The following PRR5L variants were observed in gnomAD, a reference collection of about 807,000 sequenced individuals.
PRR5L encodes the protein proline-rich protein 5-like.
In PRR5L, 21 loss-of-function variants were observed where a neutral mutation model predicts 36.4. The ratio of observed to expected loss-of-function variants is 0.58; its 90% CI spans 0.41 to 0.83. The LOEUF is 0.83. Ranked by LOEUF, PRR5L falls within the 40% of genes least tolerant of loss-of-function variation. The pLI, the probability that PRR5L is intolerant of heterozygous loss-of-function variation, is 0.00. For synonymous variants in PRR5L, 188 were observed against 197.0 expected (o/e 0.95, Z 0.38); for missense variants, 381 against 473.3 (o/e 0.80, Z 1.81).
intron 1 of PRR5L, among the ~76,000 whole-genome samples, chr11:36,394,867 A>AGATGTTTT (rs1857625835): frequency 6.6e-6 from 1 of 152,002 alleles, no homozygotes; most frequent in Admixed American, 6.6e-5. Flanking sequence ...GGGGGTGGGG[A>AGATGTTTT]GATGTTTTTC....
chr11:36,414,663 G>T (rs1472225976), intron 3 of PRR5L, among the ~76,000 whole-genome samples: 1 of 144,696 alleles, frequency 6.9e-6, no homozygotes, highest in Non-Finnish European at 1.5e-5. Context: ...TTTGTAGGTT[G>T]CCTGTTCACT....
intron 1 of PRR5L, among the ~76,000 whole-genome samples, chr11:36,334,377 T>C (rs1856749043): frequency 6.6e-6 from 1 of 152,236 alleles, no homozygotes; most frequent in Non-Finnish European, 1.5e-5. Context: ...TCCACTGGTC[T>C]CAGAATATAG....
In PRR5L at chr11:36,413,158, A is replaced by G. The variant is rs1168419298; in HGVS notation, c.246-6097A>G. Among the ~76,000 whole-genome samples the G allele has an allele frequency of 2.6e-5, 4 of 152,232 alleles. No individual in the cohort carries two copies. In the East Asian group the frequency reaches 7.7e-4, roughly 29 times the overall value. On this transcript the variant is annotated intron_variant, in intron 3 of 8. Transcript: ENST00000530639. ...TATATACATGGATTGTAGATTTGTA[A>G]CATGACTCAGCCACAGTCTGCTCAC...
At chr11:36,405,742 C>T (rs6484847) in intron 3 of PRR5L, among the ~76,000 whole-genome samples, 34,831 of 152,084 alleles carry the variant, frequency 0.23, 5,668 homozygotes, top group African/African-American at 0.47. Flanking sequence ...TTCTCAATGT[C>T]CTGGAGGCTG....
At chr11:36,386,095 A>C (rs1428416194) in intron 1 of PRR5L, among the ~76,000 whole-genome samples, 1 of 152,172 alleles carries the variant, frequency 6.6e-6, no homozygotes, top group East Asian at 1.9e-4. Context: ...CAGGAGTTCA[A>C]GACTAGTCTG....
chr11:36,459,804 T>C (rs7122638), intron 8 of PRR5L, among the ~76,000 whole-genome samples: 83,873 of 152,046 alleles, frequency 0.55, 25,189 homozygotes, highest in East Asian at 0.79. Flanking sequence ...CCACCCAGCA[T>C]AGGTGTACAC....
chr11:36,335,489 T>C (rs1186654899), intron 1 of PRR5L, among the ~76,000 whole-genome samples: 1 of 152,202 alleles, frequency 6.6e-6, no homozygotes, highest in Non-Finnish European at 1.5e-5. Flanking sequence ...AGTTCATTGA[T>C]GCCTGTTTTC....
intron 3 of PRR5L, among the ~76,000 whole-genome samples, chr11:36,414,344 T>C (rs1464561748): frequency 6.7e-6 from 1 of 149,182 alleles, no homozygotes; most frequent in African/African-American, 2.5e-5. Context: ...TGTAAAAGTG[T>C]TCCTATTTCT....
intron 1 of PRR5L, among the ~76,000 whole-genome samples, chr11:36,316,519 G>A (rs1214954232): frequency 1.3e-5 from 2 of 152,264 alleles, no homozygotes; most frequent in East Asian, 3.9e-4. Flanking sequence ...GTGCTGATTG[G>A]TGAGGTTGGA....
In PRR5L at chr11:36,463,972, T is replaced by C. The variant is rs1859244788; in HGVS notation, c.*1236T>C. On this transcript the variant is annotated 3_prime_UTR_variant, in exon 9 of 9. Transcript: ENST00000530639. ...GGAATGTTTCCATGCTTTACAGTGC[T>C]GGGAGAGAGGGGAGATGTGGGCAGG... The C allele has an allele frequency of 6.6e-6, 1 of 152,156 alleles. No homozygotes were observed. The highest frequency in any genetic ancestry group is 2.4e-5 in the African/African-American group (1 of 41,408). 9.4% of individuals were successfully genotyped at this position (152,156 alleles called of 1,614,324 possible). A position where few individuals can be genotyped will look rare whatever the true frequency, so the allele number is the denominator to read the frequency against.
intron 1 of PRR5L, among the ~76,000 whole-genome samples, chr11:36,339,242 G>A (rs1004317490): frequency 2.0e-5 from 3 of 152,004 alleles, no homozygotes; most frequent in East Asian, 1.9e-4. Context: ...TACAGGCGCC[G>A]GCCACCACAC....
chr11:36,397,757 T>C (rs570791646), intron 1 of PRR5L, among the ~76,000 whole-genome samples: 95 of 151,158 alleles, frequency 6.3e-4, no homozygotes, highest in Non-Finnish European at 1.3e-3. Flanking sequence ...GCCAATGCCT[T>C]CTTAATTCTT....
rs536946195 is a variant in PRR5L, at chr11:36,442,446, A to C, written c.445-3854A>C. ...AACCTCCACCTCCTGGGTTCAAGCT[A>C]TTCTCCTGCCTCAGCCTCCCAAGTA... On this transcript the variant is annotated intron_variant, in intron 6 of 8. Coordinates refer to ENST00000530639, the MANE Select transcript of PRR5L (RefSeq NM_001160167.2). Among the ~76,000 whole-genome samples, 180 of 151,652 alleles carry C rather than the reference A, an allele frequency of 1.2e-3. 2 individuals are homozygous for C. Among genetic ancestry groups the C allele is most frequent in the African/African-American group, 4.0e-3 (164 of 41,276 alleles).
At chr11:36,336,709 G>C (rs1590454098) in intron 1 of PRR5L, among the ~76,000 whole-genome samples, 1 of 151,950 alleles carries the variant, frequency 6.6e-6, no homozygotes, top group Admixed American at 6.6e-5. Context: ...ATTTTTCTAA[G>C]ATGTGTTATA....
chr11:36,342,531 G>A (rs967511921), intron 1 of PRR5L, among the ~76,000 whole-genome samples: 8 of 152,168 alleles, frequency 5.3e-5, no homozygotes, highest in Non-Finnish European at 1.0e-4. Context: ...TTTGAAGAAT[G>A]AGAAGAATGT....
chr11:36,432,143 C>A (rs1858509872), intron 5 of PRR5L, among the ~76,000 whole-genome samples: 1 of 124,568 alleles, frequency 8.0e-6, no homozygotes, highest in Non-Finnish European at 1.7e-5. Context: ...CTTTGGAGAC[C>A]TTGTTCAGGG....
intron 1 of PRR5L, among the ~76,000 whole-genome samples, chr11:36,308,203 T>G (rs1436268208): frequency 6.6e-6 from 1 of 152,220 alleles, no homozygotes; most frequent in African/African-American, 2.4e-5. Context: ...GACTCAAACA[T>G]GCAATTGTGA....
At chr11:36,340,359 C>T (rs1856806558) in intron 1 of PRR5L, among the ~76,000 whole-genome samples, 1 of 152,174 alleles carries the variant, frequency 6.6e-6, no homozygotes, top group Admixed American at 6.5e-5. Flanking sequence ...ATGGCACAGT[C>T]CCTCCTCCCT....
intron 1 of PRR5L, among the ~76,000 whole-genome samples, chr11:36,351,225 TA>T (rs1856939396): frequency 1.2e-5 from 1 of 84,838 alleles, no homozygotes. Context: ...TAAATATATA[TA>T]TTTATATATA....
Sources: gnomAD v4.1 joint callset for allele counts (sites outside exome capture counted in the v4.1 genomes callset) on GRCh38, gnomAD v4.1.1 for gene constraint, MANE v1.5 for transcripts, NCBI Gene and HGNC (gene_info 2026-07-23, HGNC 2026-07-21) for gene names.